KRCC1: variants seen among roughly 807,000 people sequenced by gnomAD.
KRCC1 encodes the protein lysine-rich coiled-coil protein 1.
Under a neutral mutation model 7.4 loss-of-function variants are expected in KRCC1, and 3 were observed. That is an observed-to-expected ratio of 0.40 (90% CI 0.18 to 1.04). KRCC1 has a LOEUF of 1.04. Among genes scored for constraint, KRCC1 ranks in the 50% least tolerant of loss-of-function variants. KRCC1 has a pLI of 0.33. For synonymous variants in KRCC1, 102 were observed against 101.6 expected (o/e 1.00, Z -0.02); for missense variants, 277 against 300.9 (o/e 0.92, Z 0.59).
rs1673449372 is a variant in KRCC1, at chr2:88,050,399, TCACTTGAAGTCAGGAGTC to T, written c.-291+5209_-291+5226del. Among the ~76,000 whole-genome samples the T allele has an allele frequency of 2.0e-5, 3 of 152,160 alleles. No individual in the cohort carries two copies. In the South Asian group the frequency reaches 6.2e-4, roughly 31 times the overall value. ...ACTTCAGGAGGCTGAGGTAGGCAGA[TCACTTGAAGTCAGGAGTC>T]CAAAACCAGCCCAGCCAACACGGTG... On this transcript the variant is annotated intron_variant, in intron 1 of 3. Transcript: ENST00000347055.
chr2:88,053,728 A>G (rs6734126), intron 1 of KRCC1, among the ~76,000 whole-genome samples: 9,212 of 152,308 alleles, frequency 0.06, 317 homozygotes, highest in Middle Eastern at 0.11. Context: ...AGTTCTCCAA[A>G]GTCAATAGAC....
chr2:88,032,599 C>A (rs533662685), intron 3 of KRCC1, among the ~76,000 whole-genome samples: 1 of 152,212 alleles, frequency 6.6e-6, no homozygotes, highest in African/African-American at 2.4e-5. Flanking sequence ...TATACAAAGA[C>A]ATGAATGTTC....
At chr2:88,034,021 T>C (rs1673046083) in intron 3 of KRCC1, 113 bp downstream of exon 3, 1 of 152,750 alleles carries the variant, frequency 6.5e-6, no homozygotes, top group Admixed American at 6.5e-5. Context: ...AGTACTGATA[T>C]ATGCTACAAC....
rs111707138 is a variant in KRCC1 at position 88,052,992 on chromosome 2, T to C, written c.-291+2634A>G. On this transcript the variant is annotated intron_variant, in intron 1 of 3. Transcript: ENST00000347055. ...CTGTGATTTTGAGGATTTTAGACTT[T>C]AGGGATTTTCATCTTTCAGGATTTC... 9.9e-3 allele frequency among the ~76,000 whole-genome samples: 1,515 copies of C among 152,298 alleles called. 42 individuals carry two copies. In the East Asian group the frequency reaches 0.11, roughly 11 times the overall value.
At chr2:88,053,523 G>A (rs1209095367) in intron 1 of KRCC1, among the ~76,000 whole-genome samples, 1 of 152,172 alleles carries the variant, frequency 6.6e-6, no homozygotes, top group Admixed American at 6.5e-5. Flanking sequence ...ATTAGTGAGA[G>A]GCAGGAAATG....
rs530372634 is a variant in KRCC1, at chr2:88,027,943, T to C, written c.621A>G (p.Val207=). The C allele has an allele frequency of 1.1e-5, 18 of 1,613,870 alleles. No individual in the cohort carries two copies. The highest frequency in any genetic ancestry group is 1.5e-5 in the Non-Finnish European group (18 of 1,180,018). Residue 207 remains valine (V), a synonymous_variant, in exon 4 of 4, where the codon GTA becomes GTG. Transcript: ENST00000347055. ...RKKTEVEIET[V]HVSTEKLKNR... Reference sequence around the variant, plus strand: ...TCTTAAGCTTTTCTGTACTGACATGTACGGTTTCTATTTCCACCTCTGTTT... The same window carrying C: ...TCTTAAGCTTTTCTGTACTGACATGCACGGTTTCTATTTCCACCTCTGTTT...
chr2:88,039,726 T>C (rs1378686517), intron 1 of KRCC1, among the ~76,000 whole-genome samples: 1 of 151,768 alleles, frequency 6.6e-6, no homozygotes, highest in African/African-American at 2.4e-5. Flanking sequence ...TCAATTATTT[T>C]TTAGTTGTTT....
At chr2:88,052,998 T>C (rs568975441) in intron 1 of KRCC1, among the ~76,000 whole-genome samples, 8 of 152,184 alleles carry the variant, frequency 5.3e-5, no homozygotes, top group Admixed American at 2.0e-4. Context: ...ACTTTAGGGA[T>C]TTTCATCTTT....
chr2:88,054,830 G>A (rs368243360), intron 1 of KRCC1, among the ~76,000 whole-genome samples: 2 of 152,152 alleles, frequency 1.3e-5, no homozygotes, highest in African/African-American at 2.4e-5. Flanking sequence ...TCAGCTGGGC[G>A]CGGTAGCTCG....
At chr2:88,051,280 G>A (rs1673478289) in intron 1 of KRCC1, among the ~76,000 whole-genome samples, 1 of 152,152 alleles carries the variant, frequency 6.6e-6, no homozygotes, top group African/African-American at 2.4e-5. Context: ...CCAATACAGA[G>A]GAGTTCCTCA....
intron 1 of KRCC1, among the ~76,000 whole-genome samples, chr2:88,053,376 T>C (rs975416806): frequency 1.5e-4 from 22 of 146,474 alleles, no homozygotes; most frequent in Non-Finnish European, 2.5e-4. Context: ...TTTAAAGTCA[T>C]TGCAAAATCA....
intron 3 of KRCC1, among the ~76,000 whole-genome samples, chr2:88,033,141 T>C (rs1386203668): frequency 2.0e-5 from 3 of 152,208 alleles, no homozygotes; most frequent in Admixed American, 6.5e-5. Context: ...TTCATGGCTA[T>C]ATACATCTGC....
intron 1 of KRCC1, among the ~76,000 whole-genome samples, chr2:88,043,683 TATGGAG>T (rs1673265582): frequency 6.6e-6 from 1 of 152,218 alleles, no homozygotes; most frequent in Non-Finnish European, 1.5e-5. Context: ...GTAACTTTTT[TATGGAG>T]ATGAAGTTTT....
chr2:88,050,036 T>C (rs1238449387), intron 1 of KRCC1, among the ~76,000 whole-genome samples: 1 of 152,230 alleles, frequency 6.6e-6, no homozygotes, highest in Non-Finnish European at 1.5e-5. Context: ...ATTTCATTAA[T>C]AAATACAACT....
rs1672913591 is a variant in KRCC1, at chr2:88,028,130, C to T, written c.434G>A (p.Ser145Asn). Residue 145 changes from serine to asparagine, a missense_variant, in exon 4 of 4, where the codon AGT (serine) becomes AAT (asparagine). Ser to Asn is a conservative substitution (Grantham distance 46, BLOSUM62 1). Transcript: ENST00000347055. ...RVYKHFSSDNSTSTHQASHKQ... is the reference protein window; with the variant it reads ...RVYKHFSSDNNTSTHQASHKQ... ...GTGACTGGCTTGATGAGTACTGGTA[C>T]TGTTATCTGAGGAGAAGTGCTTGTA... 1 of 1,613,912 alleles carries T rather than the reference C, an allele frequency of 6.2e-7. No homozygotes were observed. Among genetic ancestry groups the T allele is most frequent in the Admixed American group, 1.7e-5 (1 of 59,974 alleles).
intron 1 of KRCC1, among the ~76,000 whole-genome samples, chr2:88,050,924 CTTTTTTTT>C (rs60827041): frequency 8.0e-6 from 1 of 125,384 alleles, no homozygotes; most frequent in East Asian, 2.1e-4. Flanking sequence ...TCCTTACTTG[CTTTTTTTT>C]TTTTTTTTTG....
intron 1 of KRCC1, among the ~76,000 whole-genome samples, chr2:88,038,991 T>C (rs534973550): frequency 1.3e-5 from 2 of 152,310 alleles, no homozygotes; most frequent in East Asian, 3.9e-4. Context: ...GCTGCTTCAG[T>C]TGAGTCTCTT....
At chr2:88,036,806 G>T (rs1430899636) in intron 2 of KRCC1, 137 bp downstream of exon 2, 52 of 152,162 alleles carry the variant, frequency 3.4e-4, no homozygotes, top group Admixed American at 3.3e-3. Context: ...AAGTCAGGAA[G>T]TTATTTCCCT....
At chr2:88,053,727 A>T (rs2104632937) in intron 1 of KRCC1, among the ~76,000 whole-genome samples, 1 of 152,354 alleles carries the variant, frequency 6.6e-6, no homozygotes, top group South Asian at 2.1e-4. Context: ...CAGTTCTCCA[A>T]AGTCAATAGA....
Sources: gnomAD v4.1 joint callset for allele counts (sites outside exome capture counted in the v4.1 genomes callset) on GRCh38, gnomAD v4.1.1 for gene constraint, MANE v1.5 for transcripts, NCBI Gene and HGNC (gene_info 2026-07-23, HGNC 2026-07-21) for gene names.